The following FAM13A variants were observed in gnomAD, a reference collection of about 807,000 sequenced individuals.
The protein encoded by FAM13A is family with sequence similarity 13 member A.
A neutral mutation model predicts 129.6 loss-of-function variants in FAM13A; 76 were observed. The ratio of observed to expected loss-of-function variants is 0.59; its 90% CI spans 0.49 to 0.71. The LOEUF is 0.71. Among genes scored for constraint, FAM13A ranks in the 30% least tolerant of loss-of-function variants. The pLI, the probability that FAM13A is intolerant of heterozygous loss-of-function variation, is 0.00. For missense variants in FAM13A, 1,108 were observed against 1,249.3 expected, an observed-to-expected ratio of 0.89 and a Z score of 1.70; for synonymous variants, 443 against 449.9, an observed-to-expected ratio of 0.98 and a Z score of 0.20.
chr4:88,833,220 G>A (rs1160971424), intron 7 of FAM13A, among the ~76,000 whole-genome samples: 1 of 152,094 alleles, frequency 6.6e-6, no homozygotes, highest in Non-Finnish European at 1.5e-5. Context: ...CATACACTGG[G>A]GCCTGTTGGA....
chr4:88,765,507 T>C (rs903997994), intron 13 of FAM13A, among the ~76,000 whole-genome samples: 2 of 152,188 alleles, frequency 1.3e-5, no homozygotes, highest in Non-Finnish European at 2.9e-5. Context: ...ATTGATGTTT[T>C]TACTAGAAAA....
At chr4:88,790,040 C>T (rs548088002) in intron 9 of FAM13A, among the ~76,000 whole-genome samples, 2 of 152,096 alleles carry the variant, frequency 1.3e-5, no homozygotes, top group Non-Finnish European at 2.9e-5. Flanking sequence ...TAAGAGAGTA[C>T]CGCCACTGCC....
At chr4:88,847,390 T>C (rs1038518513) in intron 7 of FAM13A, among the ~76,000 whole-genome samples, 6 of 151,918 alleles carry the variant, frequency 3.9e-5, no homozygotes, top group African/African-American at 1.5e-4. Context: ...AAGCCTGTCT[T>C]AAAAAACAAA....
At chr4:88,783,926 A>G (rs1723459503) in intron 10 of FAM13A, among the ~76,000 whole-genome samples, 1 of 152,148 alleles carries the variant, frequency 6.6e-6, no homozygotes, top group South Asian at 2.1e-4. Context: ...TACAGCTTCT[A>G]GAACTGTCAG....
intron 6 of FAM13A, among the ~76,000 whole-genome samples, chr4:88,856,958 T>G (rs1312640419): frequency 6.6e-6 from 1 of 152,218 alleles, no homozygotes; most frequent in African/African-American, 2.4e-5. Flanking sequence ...CCTTTGTTTT[T>G]GCTTAAAAAA....
At chr4:88,920,004 CT>C (rs1353136719) in intron 5 of FAM13A, among the ~76,000 whole-genome samples, 1 of 152,186 alleles carries the variant, frequency 6.6e-6, no homozygotes, top group Non-Finnish European at 1.5e-5. Flanking sequence ...GGATGGGCGC[CT>C]GCCATTGCCC....
chr4:88,852,209 T>C (rs1468780123), intron 6 of FAM13A, among the ~76,000 whole-genome samples: 5 of 151,540 alleles, frequency 3.3e-5, no homozygotes, highest in Non-Finnish European at 7.4e-5. Context: ...CCCAGGCTGC[T>C]GTAGTGCAGT....
intron 5 of FAM13A, among the ~76,000 whole-genome samples, chr4:88,909,573 G>A (rs530335485): frequency 2.4e-4 from 36 of 151,746 alleles, no homozygotes; most frequent in African/African-American, 4.4e-4. Context: ...TGCAACCTCC[G>A]CCTCCCAGGT....
chr4:89,042,173 A>G (rs1402394556), intron 1 of FAM13A, among the ~76,000 whole-genome samples: 1 of 151,318 alleles, frequency 6.6e-6, no homozygotes, highest in African/African-American at 2.4e-5. Flanking sequence ...TCTTTTCCCC[A>G]TGTCCCTGTT....
intron 6 of FAM13A, among the ~76,000 whole-genome samples, chr4:88,875,200 C>CTAGGCAATACCATTCAGGACA (rs1742180625): frequency 6.6e-6 from 1 of 152,104 alleles, no homozygotes; most frequent in Non-Finnish European, 1.5e-5. Flanking sequence ...AGAAGAAAAC[C>CTAGGCAATACCATTCAGGACA]TAGGCAATAC....
intron 10 of FAM13A, among the ~76,000 whole-genome samples, chr4:88,787,063 A>G (rs1007100298): frequency 6.6e-6 from 1 of 152,088 alleles, no homozygotes; most frequent in Non-Finnish European, 1.5e-5. Flanking sequence ...TATTCTCTAT[A>G]TAAATTTATT....
chr4:88,915,428 T>C (rs1749955474), intron 5 of FAM13A, among the ~76,000 whole-genome samples: 1 of 152,168 alleles, frequency 6.6e-6, no homozygotes, highest in South Asian at 2.1e-4. Context: ...AATGGGAAGA[T>C]GAGAAGTAGT....
chr4:88,817,128 C>A (rs1282910987), intron 7 of FAM13A, among the ~76,000 whole-genome samples: 1 of 152,096 alleles, frequency 6.6e-6, no homozygotes, highest in Non-Finnish European at 1.5e-5. Context: ...AAACTACTCA[C>A]AAAAGATTAC....
At chr4:88,875,738 C>T (rs969663275) in intron 6 of FAM13A, among the ~76,000 whole-genome samples, 9 of 152,198 alleles carry the variant, frequency 5.9e-5, no homozygotes, top group Non-Finnish European at 1.2e-4. Flanking sequence ...TGTGGTGATT[C>T]CTCAAGGATC....
intron 1 of FAM13A, among the ~76,000 whole-genome samples, chr4:89,034,476 G>C (rs1769102697): frequency 6.6e-6 from 1 of 152,212 alleles, no homozygotes; most frequent in African/African-American, 2.4e-5. Flanking sequence ...CTGTTGGTAA[G>C]AATGTAAATT....
chr4:88,944,224 C>A lies in FAM13A; in HGVS notation c.606-5983G>T, dbSNP rs375876600. Among the ~76,000 whole-genome samples, 29 of 152,092 alleles carry A rather than the reference C, an allele frequency of 1.9e-4. 2 individuals carry two copies. The highest frequency in any genetic ancestry group is 7.0e-4 in the African/African-American group (29 of 41,478). ...AAAATTAGCTGGGCATGATGGCATG[C>A]GCCTATGGTTCCAGCTACCCAGGAG... On this transcript the variant is annotated intron_variant, in intron 4 of 23. Transcript: ENST00000264344.
At chr4:88,797,167 T>C (rs376151785) in intron 8 of FAM13A, among the ~76,000 whole-genome samples, 12 of 152,282 alleles carry the variant, frequency 7.9e-5, no homozygotes, top group African/African-American at 2.9e-4. Context: ...GCACACACTA[T>C]ACTTGTATTT....
At chr4:88,886,616 T>C (rs544872502) in intron 6 of FAM13A, among the ~76,000 whole-genome samples, 1 of 149,260 alleles carries the variant, frequency 6.7e-6, no homozygotes, top group African/African-American at 2.5e-5. Context: ...AAAGAAATTA[T>C]GGTATATAGG....
intron 4 of FAM13A, among the ~76,000 whole-genome samples, chr4:88,945,238 C>T (rs1318996062): frequency 2.0e-5 from 3 of 152,134 alleles, no homozygotes; most frequent in Non-Finnish European, 4.4e-5. Flanking sequence ...AATCTGGCTA[C>T]AACTAAGAAC....
Sources: gnomAD v4.1 joint callset for allele counts (sites outside exome capture counted in the v4.1 genomes callset) on GRCh38, gnomAD v4.1.1 for gene constraint, MANE v1.5 for transcripts, NCBI Gene and HGNC (gene_info 2026-07-23, HGNC 2026-07-21) for gene names.